The following B3GALT1 variants were observed in gnomAD, a reference collection of about 807,000 sequenced individuals.
The protein encoded by B3GALT1 is UDP-Gal:betaGlcNAc beta 1,3-galactosyltransferase, polypeptide 1.
In B3GALT1, 10 loss-of-function variants were observed where a neutral mutation model predicts 23.2. The ratio of observed to expected loss-of-function variants is 0.43; its 90% CI spans 0.27 to 0.73. B3GALT1 has a LOEUF of 0.73. Among genes scored for constraint, B3GALT1 ranks in the 30% least tolerant of loss-of-function variants. B3GALT1 has a pLI of 0.21. For missense variants in B3GALT1, 299 were observed against 405.4 expected, an observed-to-expected ratio of 0.74 and a Z score of 2.25; for synonymous variants, 156 against 141.5, an observed-to-expected ratio of 1.10 and a Z score of -0.73.
chr2:167,687,900 T>C (rs2105498591), intron 3 of B3GALT1, among the ~76,000 whole-genome samples: 1 of 152,264 alleles, frequency 6.6e-6, no homozygotes, highest in Non-Finnish European at 1.5e-5. Flanking sequence ...TTATTGCAGA[T>C]AGTTTAAGGT....
intron 1 of B3GALT1, among the ~76,000 whole-genome samples, chr2:167,313,763 A>C (rs970213796): frequency 2.0e-5 from 3 of 152,180 alleles, no homozygotes; most frequent in African/African-American, 7.2e-5. Context: ...TGACAGATGC[A>C]CAACAAGCTA....
intron 1 of B3GALT1, among the ~76,000 whole-genome samples, chr2:167,460,474 C>G (rs1251446802): frequency 6.6e-6 from 1 of 152,034 alleles, no homozygotes; most frequent in African/African-American, 2.4e-5. Context: ...TTTTTTGTCT[C>G]TTTCCTGATA....
intron 1 of B3GALT1, among the ~76,000 whole-genome samples, chr2:167,486,892 A>G (rs1699635209): frequency 6.6e-6 from 1 of 152,206 alleles, no homozygotes; most frequent in Admixed American, 6.5e-5. Flanking sequence ...GAATGTTGGG[A>G]AAATGTTCTG....
intron 1 of B3GALT1, among the ~76,000 whole-genome samples, chr2:167,355,454 A>G (rs991791385): frequency 6.6e-6 from 1 of 152,216 alleles, no homozygotes; most frequent in Non-Finnish European, 1.5e-5. Context: ...CGTCAAACTC[A>G]TATCTATGTA....
At chr2:167,581,649 T>C (rs1015367315) in intron 2 of B3GALT1, among the ~76,000 whole-genome samples, 2 of 152,136 alleles carry the variant, frequency 1.3e-5, no homozygotes, top group African/African-American at 2.4e-5. Context: ...CAAGTGAAAA[T>C]CATAAATAAC....
At chr2:167,778,451 T>C (rs991168067) in intron 3 of B3GALT1, among the ~76,000 whole-genome samples, 1 of 152,210 alleles carries the variant, frequency 6.6e-6, no homozygotes, top group African/African-American at 2.4e-5. Flanking sequence ...GATCCAAGTA[T>C]TTAAACATTC....
intron 1 of B3GALT1, among the ~76,000 whole-genome samples, chr2:167,347,369 C>T (rs1697236303): frequency 6.6e-6 from 1 of 152,086 alleles, no homozygotes; most frequent in African/African-American, 2.4e-5. Flanking sequence ...TGCATTAATC[C>T]TCTTTTATCT....
At chr2:167,529,527 G>C (rs879935783) in intron 2 of B3GALT1, among the ~76,000 whole-genome samples, 22 of 142,860 alleles carry the variant, frequency 1.5e-4, no homozygotes, top group Non-Finnish European at 1.5e-4. Context: ...AACTGAGATG[G>C]GGACAGCTGA....
chr2:167,583,259 C>G (rs983914852), intron 2 of B3GALT1, among the ~76,000 whole-genome samples: 5 of 152,258 alleles, frequency 3.3e-5, no homozygotes, highest in African/African-American at 1.2e-4. Context: ...ATGCCAGGGG[C>G]AGACATTTCT....
At chr2:167,715,777 A>G (rs1274619702) in intron 3 of B3GALT1, 18 of 1,613,240 alleles carry the variant, frequency 1.1e-5, no homozygotes, top group Non-Finnish European at 1.4e-5. Flanking sequence ...GAATAAGGCT[A>G]AATTTTTCAA....
intron 1 of B3GALT1, among the ~76,000 whole-genome samples, chr2:167,298,921 T>A (rs908707938): frequency 2.0e-5 from 3 of 151,988 alleles, no homozygotes; most frequent in African/African-American, 7.2e-5. Flanking sequence ...ATAACTTGCA[T>A]GGATAATGAG....
At chr2:167,556,467 T>A (rs1683854541) in intron 2 of B3GALT1, among the ~76,000 whole-genome samples, 3 of 152,162 alleles carry the variant, frequency 2.0e-5, no homozygotes, top group Admixed American at 2.0e-4. Flanking sequence ...AAAAATGGAC[T>A]ATAAGGACAC....
At chr2:167,314,481 G>A (rs1241367673) in intron 1 of B3GALT1, among the ~76,000 whole-genome samples, 1 of 152,122 alleles carries the variant, frequency 6.6e-6, no homozygotes, top group Non-Finnish European at 1.5e-5. Flanking sequence ...TTTGTTCCAG[G>A]AGTTGATGTA....
chr2:167,776,720 T>C (rs558796609), intron 3 of B3GALT1, among the ~76,000 whole-genome samples: 11 of 152,350 alleles, frequency 7.2e-5, no homozygotes, highest in South Asian at 6.2e-4. Context: ...TGGGAACTTA[T>C]ATAACTTCAG....
chr2:167,331,087 G>T (rs1340084177), intron 1 of B3GALT1, among the ~76,000 whole-genome samples: 2 of 151,974 alleles, frequency 1.3e-5, no homozygotes, highest in Non-Finnish European at 2.9e-5. Context: ...CTGGTGTTAT[G>T]ATTTTTTTTG....
intron 1 of B3GALT1, among the ~76,000 whole-genome samples, chr2:167,441,067 G>A (rs1419866573): frequency 6.6e-6 from 1 of 151,996 alleles, no homozygotes; most frequent in African/African-American, 2.4e-5. Context: ...TGATCCTCAG[G>A]GACAGTGAAC....
At chr2:167,620,020 G>A (rs1685228365) in intron 2 of B3GALT1, among the ~76,000 whole-genome samples, 1 of 152,060 alleles carries the variant, frequency 6.6e-6, no homozygotes, top group South Asian at 2.1e-4. Context: ...ATATTAACAG[G>A]AGGCACCTAC....
At chr2:167,664,508 G>C (rs1419543898) in intron 3 of B3GALT1, among the ~76,000 whole-genome samples, 2 of 152,112 alleles carry the variant, frequency 1.3e-5, no homozygotes, top group Non-Finnish European at 2.9e-5. Context: ...GAAAGTCATT[G>C]GTAGCTTGAT....
At chr2:167,302,525 G>T (rs549791628) in intron 1 of B3GALT1, among the ~76,000 whole-genome samples, 2 of 152,064 alleles carry the variant, frequency 1.3e-5, no homozygotes, top group African/African-American at 2.4e-5. Context: ...TTCATAGTTG[G>T]TAACTTTTCA....
Sources: gnomAD v4.1 joint callset for allele counts (sites outside exome capture counted in the v4.1 genomes callset) on GRCh38, gnomAD v4.1.1 for gene constraint, MANE v1.5 for transcripts, NCBI Gene and HGNC (gene_info 2026-07-23, HGNC 2026-07-21) for gene names.